The following YES1 variants were observed in gnomAD, a reference collection of about 807,000 sequenced individuals.
YES1 encodes the protein tyrosine-protein kinase Yes.
In YES1, 39 loss-of-function variants were observed where a neutral mutation model predicts 70.4. The ratio of observed to expected loss-of-function variants is 0.55; its 90% CI spans 0.43 to 0.72. The LOEUF is 0.72. Ranked by LOEUF, YES1 falls within the 30% of genes least tolerant of loss-of-function variation. YES1 has a pLI of 0.00. For missense variants in YES1, 495 were observed against 644.8 expected (o/e 0.77, Z 2.52); for synonymous variants, 198 against 218.6 (o/e 0.91, Z 0.83).
intron 1 of YES1, among the ~76,000 whole-genome samples, chr18:806,420 AAAG>A (rs1907099637): frequency 6.6e-6 from 1 of 152,228 alleles, no homozygotes; most frequent in Non-Finnish European, 1.5e-5. Flanking sequence ...GCAAAAATCT[AAAG>A]AATTAACTTC....
chr18:766,028 C>T (rs1377373704), intron 1 of YES1, among the ~76,000 whole-genome samples: 1 of 152,212 alleles, frequency 6.6e-6, no homozygotes, highest in Non-Finnish European at 1.5e-5. Flanking sequence ...TGATCCTCTA[C>T]TTCACAGTAT....
intron 11 of YES1, 30 bp from the exon 12 acceptor site, chr18:724,662 C>A: frequency 6.3e-7 from 1 of 1,590,402 alleles, no homozygotes; most frequent in Non-Finnish European, 8.6e-7. Flanking sequence ...CATTAAAGAA[C>A]AATGGTCCTA....
intron 1 of YES1, among the ~76,000 whole-genome samples, chr18:809,696 C>T (rs548285627): frequency 2.0e-5 from 3 of 152,024 alleles, no homozygotes; most frequent in South Asian, 2.1e-4. Flanking sequence ...AGGTAGTGTT[C>T]GAAAGTCAGC....
chr18:787,114 T>G (rs1222991510), intron 1 of YES1, among the ~76,000 whole-genome samples: 6 of 92,608 alleles, frequency 6.5e-5, no homozygotes, highest in African/African-American at 2.6e-4. Context: ...TTTTTTTTTT[T>G]GAGACAGAGT....
At chr18:803,110 G>C (rs931856165) in intron 1 of YES1, among the ~76,000 whole-genome samples, 9 of 152,114 alleles carry the variant, frequency 5.9e-5, no homozygotes, top group South Asian at 2.1e-4. Flanking sequence ...GCTCACAACT[G>C]TGGTCCCAGC....
At chr18:749,155 C>G (rs2080313681) in intron 3 of YES1, among the ~76,000 whole-genome samples, 1 of 151,402 alleles carries the variant, frequency 6.6e-6, no homozygotes, top group African/African-American at 2.4e-5. Flanking sequence ...AGCGAGACTC[C>G]ATCTAAAAAA....
rs548993881 is a variant in YES1 at position 806,437 on chromosome 18, C to T, written c.-9+5677G>A. 1.2e-4 allele frequency among the ~76,000 whole-genome samples: 18 copies of T among 152,258 alleles called. No individual in the cohort carries two copies. The East Asian group carries it at 3.5e-3, about 29-fold the overall frequency. ...AAAAATCTAAAGAATTAACTTCGAG[C>T]TATGAAAAAGTATTAAGCTAGTTTT... On this transcript the variant is annotated intron_variant, in intron 1 of 11. Coordinates refer to ENST00000314574, the MANE Select transcript of YES1 (RefSeq NM_005433.4).
Position 793,329 on chromosome 18 carries a change from G to A in YES1, c.-9+18785C>T, listed in dbSNP as rs565991105. Among the ~76,000 whole-genome samples, 23 of 152,010 alleles carry A rather than the reference G, an allele frequency of 1.5e-4. 1 individual carries two copies. In the South Asian group the frequency reaches 1.7e-3, roughly 11 times the overall value. On this transcript the variant is annotated intron_variant, in intron 1 of 11. Transcript: ENST00000314574. ...GCTGGGATTACAGGCGTGAGCCACC[G>A]CGCCTGGCCATTATAATTATTACCT...
intron 1 of YES1, among the ~76,000 whole-genome samples, chr18:804,278 C>T (rs1344968020): frequency 6.6e-6 from 1 of 152,186 alleles, no homozygotes; most frequent in Non-Finnish European, 1.5e-5. Flanking sequence ...CTATCCACTT[C>T]AACAGAATAA....
intron 11 of YES1, among the ~76,000 whole-genome samples, chr18:729,458 CTT>C (rs148415047): frequency 6.8e-6 from 1 of 146,938 alleles, no homozygotes; most frequent in Admixed American, 6.8e-5. Flanking sequence ...CCATTTGATT[CTT>C]TTTTTTTTAA....
chr18:731,319 A>T (rs2080085117), intron 11 of YES1, among the ~76,000 whole-genome samples: 1 of 152,204 alleles, frequency 6.6e-6, no homozygotes, highest in Non-Finnish European at 1.5e-5. Flanking sequence ...TTAAGATGAC[A>T]ATGAGTTAAG....
chr18:791,699 T>A (rs1431143828), intron 1 of YES1, among the ~76,000 whole-genome samples: 1 of 152,240 alleles, frequency 6.6e-6, no homozygotes, highest in African/African-American at 2.4e-5. Context: ...AAAAATGTTA[T>A]CAACATGCAA....
chr18:727,739 T>C (rs1340679081), intron 11 of YES1, among the ~76,000 whole-genome samples: 2 of 152,218 alleles, frequency 1.3e-5, no homozygotes, highest in Non-Finnish European at 2.9e-5. Context: ...TTTGTGTTAC[T>C]GTCACAGTCT....
intron 1 of YES1, among the ~76,000 whole-genome samples, chr18:763,758 T>C (rs1344086262): frequency 7.8e-6 from 1 of 128,038 alleles, no homozygotes; most frequent in Non-Finnish European, 1.7e-5. Context: ...CCAGTGATAA[T>C]GGGGGAAATG....
At chr18:792,020 T>C (rs1906278623) in intron 1 of YES1, among the ~76,000 whole-genome samples, 1 of 152,206 alleles carries the variant, frequency 6.6e-6, no homozygotes, top group African/African-American at 2.4e-5. Flanking sequence ...GCTCATCTAT[T>C]ATACTGGAGA....
chr18:765,248 C>CTATATGTATATA (rs1904828660), intron 1 of YES1, among the ~76,000 whole-genome samples: 1 of 91,488 alleles, frequency 1.1e-5, no homozygotes, highest in East Asian at 6.3e-4. Flanking sequence ...AGAGTTACAA[C>CTATATGTATATA]TATATATATA....
intron 1 of YES1, among the ~76,000 whole-genome samples, chr18:800,608 G>T (rs1906769861): frequency 1.3e-5 from 2 of 152,146 alleles, no homozygotes; most frequent in Non-Finnish European, 2.9e-5. Context: ...AGAAATAAAA[G>T]GAAGCCAAAG....
intron 1 of YES1, among the ~76,000 whole-genome samples, chr18:781,269 CAAAA>C (rs1167805094): frequency 9.9e-6 from 1 of 101,388 alleles, no homozygotes; most frequent in African/African-American, 3.6e-5. Context: ...AACTCTGTCT[CAAAA>C]AAAAAAAAAA....
Position 801,458 on chromosome 18 carries a change from T to C in YES1, c.-9+10656A>G, listed in dbSNP as rs1324237312. Among the ~76,000 whole-genome samples, 6 of 152,340 alleles carry C rather than the reference T, an allele frequency of 3.9e-5. No homozygotes were observed. In the East Asian group the frequency reaches 1.2e-3, roughly 29 times the overall value. On this transcript the variant is annotated intron_variant, in intron 1 of 11. Coordinates refer to ENST00000314574, the MANE Select transcript of YES1 (RefSeq NM_005433.4). The stretch of plus-strand genomic sequence containing the variant: ...AATGGCTGATGAGTCTGTACCAAGA[T>C]GTATGTAGGAAACTGCTATTCTACT...
Sources: gnomAD v4.1 joint callset for allele counts (sites outside exome capture counted in the v4.1 genomes callset) on GRCh38, gnomAD v4.1.1 for gene constraint, MANE v1.5 for transcripts, NCBI Gene and HGNC (gene_info 2026-07-23, HGNC 2026-07-21) for gene names.